The following EYA2 variants were observed in gnomAD, a reference collection of about 807,000 sequenced individuals.
EYA2 encodes the protein protein phosphatase EYA2.
A neutral mutation model predicts 69.2 loss-of-function variants in EYA2; 31 were observed. That is an observed-to-expected ratio of 0.45 (90% CI 0.34 to 0.60). EYA2 has a LOEUF of 0.60. Ranked by LOEUF, EYA2 falls within the 20% of genes least tolerant of loss-of-function variation. The pLI is 0.02. For synonymous variants in EYA2, 257 were observed against 279.4 expected, an observed-to-expected ratio of 0.92 and a Z score of 0.80; for missense variants, 622 against 701.2, an observed-to-expected ratio of 0.89 and a Z score of 1.28.
intron 10 of EYA2, among the ~76,000 whole-genome samples, chr20:47,147,175 A>G (rs1250305462): frequency 6.6e-6 from 1 of 151,068 alleles, no homozygotes; most frequent in Non-Finnish European, 1.5e-5. Flanking sequence ...CAGCCTCCCA[A>G]GTAGTTGAGA....
At chr20:46,905,464 T>C (rs908373254) in intron 1 of EYA2, among the ~76,000 whole-genome samples, 3 of 152,262 alleles carry the variant, frequency 2.0e-5, no homozygotes, top group Non-Finnish European at 4.4e-5. Context: ...TGAGTTGCTG[T>C]GGCCTTTTAC....
At chr20:47,119,508 G>A (rs1011420179) in intron 9 of EYA2, among the ~76,000 whole-genome samples, 1 of 152,202 alleles carries the variant, frequency 6.6e-6, no homozygotes, top group African/African-American at 2.4e-5. Flanking sequence ...AAAGGAATGG[G>A]GTACTGATAC....
chr20:47,168,940 C>T (rs1410636501), intron 10 of EYA2, among the ~76,000 whole-genome samples, 199 bp from the exon 11 acceptor site: 1 of 152,070 alleles, frequency 6.6e-6, no homozygotes, highest in Non-Finnish European at 1.5e-5. Context: ...TATAAGGAAA[C>T]CAAACAGACA....
chr20:46,948,301 A>C (rs1403261147), intron 1 of EYA2, among the ~76,000 whole-genome samples: 1 of 152,228 alleles, frequency 6.6e-6, no homozygotes, highest in East Asian at 1.9e-4. Flanking sequence ...CAGAGACAAC[A>C]TGTAAACAAA....
intron 9 of EYA2, among the ~76,000 whole-genome samples, chr20:47,100,702 G>A (rs937942510): frequency 2.6e-5 from 4 of 152,230 alleles, no homozygotes; most frequent in Non-Finnish European, 5.9e-5. Flanking sequence ...GATCGCCTGT[G>A]CCATCTTCAT....
intron 10 of EYA2, among the ~76,000 whole-genome samples, chr20:47,168,168 C>G (rs1297117514): frequency 6.6e-6 from 1 of 150,414 alleles, no homozygotes; most frequent in African/African-American, 2.5e-5. Context: ...TTCATTGTCC[C>G]CACCCCGTAG....
intron 10 of EYA2, among the ~76,000 whole-genome samples, chr20:47,148,500 G>A (rs549239295): frequency 1.3e-4 from 20 of 152,220 alleles, no homozygotes; most frequent in African/African-American, 4.1e-4. Flanking sequence ...CTAGCTTGCC[G>A]ACCCCTGATT....
chr20:47,135,209 A>G (rs1488600075), intron 9 of EYA2, among the ~76,000 whole-genome samples: 1 of 150,802 alleles, frequency 6.6e-6, no homozygotes, highest in Non-Finnish European at 1.5e-5. Context: ...TATTTCTTCC[A>G]GTCTTTTTTT....
At chr20:47,094,369 C>A (rs185055171) in intron 8 of EYA2, among the ~76,000 whole-genome samples, 2 of 152,128 alleles carry the variant, frequency 1.3e-5, no homozygotes, top group Admixed American at 1.3e-4. Context: ...TACCATGACC[C>A]GTAATAAGAA....
At chr20:46,914,412 A>G (rs891004692) in intron 1 of EYA2, among the ~76,000 whole-genome samples, 1 of 152,222 alleles carries the variant, frequency 6.6e-6, no homozygotes, top group Non-Finnish European at 1.5e-5. Flanking sequence ...CACACTGCCA[A>G]TAAAGACATA....
chr20:46,961,059 G>A (rs902215887), intron 1 of EYA2, among the ~76,000 whole-genome samples: 3 of 152,224 alleles, frequency 2.0e-5, no homozygotes, highest in African/African-American at 7.2e-5. Flanking sequence ...ATAAGGCCGA[G>A]CACAGTGGCT....
At chr20:47,152,958 G>A (rs1281180427) in intron 10 of EYA2, among the ~76,000 whole-genome samples, 7 of 151,632 alleles carry the variant, frequency 4.6e-5, no homozygotes, top group African/African-American at 1.7e-4. Context: ...GAAAGAAACT[G>A]GGGGTTGGGG....
intron 10 of EYA2, among the ~76,000 whole-genome samples, chr20:47,147,643 A>G (rs565768530): frequency 6.6e-6 from 1 of 152,338 alleles, no homozygotes; most frequent in African/African-American, 2.4e-5. Context: ...ACTTTGGTTC[A>G]GAAGCTGCCT....
At chr20:46,981,140 G>A (rs1054899111) in intron 1 of EYA2, among the ~76,000 whole-genome samples, 6 of 152,068 alleles carry the variant, frequency 3.9e-5, no homozygotes, top group Admixed American at 1.3e-4. Context: ...GTGTTTAGTC[G>A]GCCTTTGAGG....
intron 2 of EYA2, among the ~76,000 whole-genome samples, chr20:46,993,414 C>T (rs1228999685): frequency 1.3e-5 from 2 of 152,184 alleles, no homozygotes; most frequent in South Asian, 2.1e-4. Flanking sequence ...TTCTGCCCTC[C>T]GAGCCTTTGC....
At chr20:46,934,754 ATC>A (rs1985835708) in intron 1 of EYA2, among the ~76,000 whole-genome samples, 1 of 152,142 alleles carries the variant, frequency 6.6e-6, no homozygotes, top group South Asian at 2.1e-4. Flanking sequence ...GAGGAAGGGA[ATC>A]TCTGGCAGAG....
chr20:47,138,941 G>A (rs372703600), intron 9 of EYA2, among the ~76,000 whole-genome samples: 1 of 152,036 alleles, frequency 6.6e-6, no homozygotes, highest in Non-Finnish European at 1.5e-5. Context: ...TCTAATAAAC[G>A]GTAATAACAT....
chr20:47,036,651 G>C (rs1261814087), intron 5 of EYA2, among the ~76,000 whole-genome samples: 1 of 152,200 alleles, frequency 6.6e-6, no homozygotes, highest in Non-Finnish European at 1.5e-5. Flanking sequence ...CTTCAGTACA[G>C]CTTGGTTCAG....
Position 47,078,448 on chromosome 20 carries a change from A to G in EYA2, c.661+4113A>G, listed in dbSNP as rs142275828. Among the ~76,000 whole-genome samples the G allele has an allele frequency of 2.9e-3, 444 of 152,312 alleles. 1 individual carries two copies. The highest frequency in any genetic ancestry group is 4.6e-3 in the Non-Finnish European group (310 of 68,022). ...CCTTGAGTGGTTGGTTCCAAACTCCAGAGGCTCTAGAGGTTTACTGACAGA... is the reference window on the plus strand; with the variant it reads ...CCTTGAGTGGTTGGTTCCAAACTCCGGAGGCTCTAGAGGTTTACTGACAGA... On this transcript the variant is annotated intron_variant, in intron 7 of 15. Transcript: ENST00000327619.
Sources: gnomAD v4.1 joint callset for allele counts (sites outside exome capture counted in the v4.1 genomes callset) on GRCh38, gnomAD v4.1.1 for gene constraint, MANE v1.5 for transcripts, NCBI Gene and HGNC (gene_info 2026-07-23, HGNC 2026-07-21) for gene names.